The following RAP1GAP variants were observed in gnomAD, a reference collection of about 807,000 sequenced individuals.
RAP1GAP encodes rap1 GTPase-activating protein 1.
A neutral mutation model predicts 87.2 loss-of-function variants in RAP1GAP; 35 were observed. The observed-to-expected ratio is 0.40, with a 90% confidence interval of 0.31 to 0.53. The LOEUF (loss-of-function observed/expected upper bound fraction) is 0.53, where lower values mean the gene tolerates loss of function less well. Ranked by LOEUF, RAP1GAP falls within the 20% of genes least tolerant of loss-of-function variation. RAP1GAP has a pLI of 0.48. For missense variants in RAP1GAP, 734 were observed against 898.9 expected (o/e 0.82, Z 2.35); for synonymous variants, 375 against 363.9 (o/e 1.03, Z -0.35).
chr1:21,609,517 C>T lies in RAP1GAP; in HGVS notation c.1071+58G>A. 1 of 1,041,028 alleles carries T rather than the reference C, an allele frequency of 9.6e-7. No individual in the cohort carries two copies. Among genetic ancestry groups the T allele is most frequent in the Non-Finnish European group, 1.3e-6 (1 of 748,578 alleles). The allele number at this position is 1,041,028 out of a possible 1,614,324, so 64.5% of individuals were successfully genotyped here. On this transcript the variant is annotated intron_variant, in intron 15 of 24. Transcript: ENST00000374765. This position sits in a 1 kb window ranked among gnomAD's most constrained non-coding sequence, Gnocchi z 4.4. ...CTCATAAGGCAGAATGTGTATGCAC[C>T]CCCCAGGCCCCCACCCATTTGTCCT...
At chr1:21,611,219 C>T (rs1348770701) in intron 13 of RAP1GAP, among the ~76,000 whole-genome samples, 3 of 152,226 alleles carry the variant, frequency 2.0e-5, no homozygotes, top group East Asian at 1.9e-4. Flanking sequence ...CTGTTCTAGT[C>T]CCTCTATGCA....
At chr1:21,660,349 T>TA (rs1257256841) in intron 1 of RAP1GAP, among the ~76,000 whole-genome samples, 2 of 64,328 alleles carry the variant, frequency 3.1e-5, no homozygotes, top group African/African-American at 9.9e-5. Context: ...CTATATATAT[T>TA]TATTGAGACA....
At chr1:21,598,589 C>A in intron 21 of RAP1GAP, 87 bp from the exon 22 acceptor site, 1 of 1,076,644 alleles carries the variant, frequency 9.3e-7, no homozygotes, top group South Asian at 1.4e-5. Context: ...TCCCTCACTG[C>A]ATTCCACAAC....
chr1:21,613,620 G>C lies in RAP1GAP; in HGVS notation c.474+8C>G. The C allele has an allele frequency of 5.0e-6, 8 of 1,608,838 alleles. No individual in the cohort carries two copies. The highest frequency in any genetic ancestry group is 6.8e-6 in the Non-Finnish European group (8 of 1,175,272). On this transcript the variant is annotated splice_region_variant and intron_variant, in intron 9 of 24. Transcript: ENST00000374765. The surrounding 1 kb of genome is among the most constrained non-coding windows in gnomAD (Gnocchi z 4.7). ...AGCCCGGGAAGCTCAGCGGAGCGGA[G>C]ACCTCACCTTTGCCATCTGGACAAC...
intron 10 of RAP1GAP, 65 bp from the exon 11 acceptor site, chr1:21,612,174 C>G: frequency 7.6e-7 from 1 of 1,310,622 alleles, no homozygotes; most frequent in Non-Finnish European, 1.1e-6. Context: ...TGCTCTTCCC[C>G]CGTGCCAAGC....
intron 24 of RAP1GAP, 96 bp downstream of exon 24, chr1:21,597,590 C>A: frequency 1.6e-6 from 2 of 1,280,360 alleles, no homozygotes; most frequent in Non-Finnish European, 2.1e-6. Flanking sequence ...AGCTCCCACC[C>A]CAGAGAGGTG....
At position 21,599,487 on chromosome 1, in the gene RAP1GAP, C is replaced by T; in HGVS notation, c.1776+7G>A. 1 of 1,607,328 alleles carries T rather than the reference C, an allele frequency of 6.2e-7. No individual in the cohort carries two copies. The highest frequency in any genetic ancestry group is 8.5e-7 in the Non-Finnish European group (1 of 1,179,294). On this transcript the variant is annotated splice_region_variant and intron_variant, in intron 21 of 24. Transcript: ENST00000374765. ...TGTGGGGCCCCTGACCCCCCTGAGCCTCTCACCAGGCCTGTGTCCTCTCCG... is the reference window on the plus strand; with the variant it reads ...TGTGGGGCCCCTGACCCCCCTGAGCTTCTCACCAGGCCTGTGTCCTCTCCG...
Position 21,613,118 on chromosome 1 carries a change from G to T in RAP1GAP, c.528+58C>A. Reference sequence around the variant, plus strand: ...GGCACACAGAAGGTGCTTAATAAATGCTCAGTCTTCCAGTTACTCACCCAC... The same window carrying T: ...GGCACACAGAAGGTGCTTAATAAATTCTCAGTCTTCCAGTTACTCACCCAC... On this transcript the variant is annotated intron_variant, in intron 10 of 24. Coordinates refer to ENST00000374765, the MANE Select transcript of RAP1GAP (RefSeq NM_002885.4). The surrounding 1 kb of genome is among the most constrained non-coding windows in gnomAD (Gnocchi z 4.7). 6.7e-7 allele frequency: 1 copy of T among 1,482,592 alleles called. No individual in the cohort carries two copies. Among genetic ancestry groups the T allele is most frequent in the Non-Finnish European group, 9.4e-7 (1 of 1,060,654 alleles). 91.8% of individuals were successfully genotyped at this position (1,482,592 alleles called of 1,614,324 possible).
intron 1 of RAP1GAP, chr1:21,665,318 C>G (rs761624824): frequency 2.0e-6 from 1 of 497,656 alleles, no homozygotes; most frequent in Non-Finnish European, 4.1e-6. Context: ...AGGTATTAAC[C>G]TGTAGAGTGG....
intron 2 of RAP1GAP, among the ~76,000 whole-genome samples, chr1:21,632,915 C>A (rs2094039787): frequency 6.6e-6 from 1 of 152,070 alleles, no homozygotes; most frequent in African/African-American, 2.4e-5. Flanking sequence ...TGGAAACAGA[C>A]CAACAAAACA....
chr1:21,608,166 C>G, intron 17 of RAP1GAP, 47 bp downstream of exon 17: 2 of 1,604,234 alleles, frequency 1.2e-6, no homozygotes, highest in South Asian at 1.1e-5. Context: ...GGATTCCGCC[C>G]TAGCCACGTC....
intron 2 of RAP1GAP, among the ~76,000 whole-genome samples, chr1:21,637,794 C>T (rs1470800666): frequency 6.6e-6 from 1 of 151,940 alleles, no homozygotes; most frequent in Non-Finnish European, 1.5e-5. Flanking sequence ...AAGCGGGCTG[C>T]ACACAACAAA....
Position 21,597,852 on chromosome 1 carries a change from C to T in RAP1GAP, c.1983+109G>A, listed in dbSNP as rs551399327. Reference sequence around the variant, plus strand: ...GCAAGCCCCACCCCTCCTGGCCTAGCGGGGCCTAGGGGGACCTCTTGGTCG... The same window carrying T: ...GCAAGCCCCACCCCTCCTGGCCTAGTGGGGCCTAGGGGGACCTCTTGGTCG... On this transcript the variant is annotated intron_variant, in intron 23 of 24. Transcript: ENST00000374765. 1,327 of 1,506,912 alleles carry T rather than the reference C, an allele frequency of 8.8e-4. 1 individual carries two copies. The highest frequency in any genetic ancestry group is 9.5e-4 in the Non-Finnish European group (1,048 of 1,101,226). The allele number at this position is 1,506,912 out of a possible 1,614,324, so 93.3% of individuals were successfully genotyped here.
At chr1:21,618,891 A>G (rs2084354243) in intron 5 of RAP1GAP, 134 bp downstream of exon 5, 6 of 1,022,696 alleles carry the variant, frequency 5.9e-6, no homozygotes, top group South Asian at 4.6e-5. Context: ...CTCCCCCCCT[A>G]CCCCCGCACC....
In RAP1GAP at chr1:21,626,376, C is replaced by T; in HGVS notation, c.-91G>A. The T allele has an allele frequency of 1.2e-6, 2 of 1,613,160 alleles. No homozygotes were observed. Among genetic ancestry groups the T allele is most frequent in the Non-Finnish European group, 1.7e-6 (2 of 1,179,264 alleles). On this transcript the variant is annotated 5_prime_UTR_variant, in exon 3 of 25. Coordinates refer to ENST00000374765, the MANE Select transcript of RAP1GAP (RefSeq NM_002885.4). Reference sequence around the variant, plus strand: ...ACAGGTCTAGTGCCTGAGGGAAGTGCTGGTTCTGCCCATCGCTCCTCCTGG... The same window carrying T: ...ACAGGTCTAGTGCCTGAGGGAAGTGTTGGTTCTGCCCATCGCTCCTCCTGG...
At chr1:21,660,570 G>A (rs1411488364) in intron 1 of RAP1GAP, among the ~76,000 whole-genome samples, 1 of 151,690 alleles carries the variant, frequency 6.6e-6, no homozygotes, top group Non-Finnish European at 1.5e-5. Context: ...CCAACCTCAA[G>A]TGGTCCTCCC....
At chr1:21,640,435 C>G (rs539461046) in intron 2 of RAP1GAP, among the ~76,000 whole-genome samples, 1 of 152,344 alleles carries the variant, frequency 6.6e-6, no homozygotes, top group South Asian at 2.1e-4. Flanking sequence ...CTGTTTGGGT[C>G]TGATCTGCTG....
At chr1:21,646,128 G>T (rs2096034250) in intron 2 of RAP1GAP, among the ~76,000 whole-genome samples, 1 of 152,232 alleles carries the variant, frequency 6.6e-6, no homozygotes, top group Admixed American at 6.5e-5. Context: ...AGGATGGAAT[G>T]AAATGATTCA....
rs759277983 is a variant in RAP1GAP at position 21,614,051 on chromosome 1, G to A, written c.330C>T (p.Gly110=). 9 of 1,612,066 alleles carry A rather than the reference G, an allele frequency of 5.6e-6. No individual in the cohort carries two copies. In the Admixed American group the frequency reaches 1.3e-4, roughly 24 times the overall value. Reference sequence around the variant, plus strand: ...CGTACTTGAGTGAGAAGACAAGGTGGCCGAGGGCAGCGTCCAGTGAGTAGT... The same window carrying A: ...CGTACTTGAGTGAGAAGACAAGGTGACCGAGGGCAGCGTCCAGTGAGTAGT... ...FNYYSLDAAL[G]HLVFSLKYDV... Residue 110 remains glycine (G), a synonymous_variant, in exon 8 of 25, where the codon GGC becomes GGT. Transcript: ENST00000374765.
Sources: gnomAD v4.1 joint callset for allele counts (sites outside exome capture counted in the v4.1 genomes callset) on GRCh38, gnomAD v4.1.1 for gene constraint, Gnocchi (gnomAD v3.1) non-coding constraint, MANE v1.5 for transcripts, NCBI Gene and HGNC (gene_info 2026-07-23, HGNC 2026-07-21) for gene names.